The following AKAP13 variants were observed in gnomAD, a reference collection of about 807,000 sequenced individuals.
AKAP13 encodes the protein A-kinase anchor protein 13.
In AKAP13, 80 loss-of-function variants were observed where a neutral mutation model predicts 264.5. The ratio of observed to expected loss-of-function variants is 0.30; its 90% CI spans 0.25 to 0.36. The LOEUF (loss-of-function observed/expected upper bound fraction) is 0.36. Among genes scored for constraint, AKAP13 ranks in the 10% least tolerant of loss-of-function variants. AKAP13 has a pLI of 1.00. For missense variants in AKAP13, 3,712 were observed against 3,435.2 expected (o/e 1.08, Z -2.01); for synonymous variants, 1,380 against 1,250.2 (o/e 1.10, Z -2.19).
chr15:85,494,253 C>G (rs1596331838), intron 2 of AKAP13, among the ~76,000 whole-genome samples: 2 of 152,116 alleles, frequency 1.3e-5, no homozygotes, highest in Admixed American at 6.6e-5. Flanking sequence ...CAACTAGACT[C>G]CAGAAACAGT....
chr15:85,667,943 C>G (rs2083692248), intron 13 of AKAP13, among the ~76,000 whole-genome samples: 1 of 152,178 alleles, frequency 6.6e-6, no homozygotes, highest in African/African-American at 2.4e-5. Context: ...CTGAAGTGGA[C>G]TTTCTGATTC....
At chr15:85,637,027 C>T (rs1053411526) in intron 8 of AKAP13, among the ~76,000 whole-genome samples, 2 of 152,196 alleles carry the variant, frequency 1.3e-5, no homozygotes, top group African/African-American at 4.8e-5. Flanking sequence ...GACCCATTTG[C>T]TCATGATATA....
chr15:85,585,927 T>C lies in AKAP13; in HGVS notation c.4161+104T>C, dbSNP rs576771488. The C allele has an allele frequency of 5.4e-5, 78 of 1,453,372 alleles. No individual in the cohort carries two copies. In the African/African-American group the frequency reaches 9.6e-4, roughly 18 times the overall value. 90.0% of individuals were successfully genotyped at this position (1,453,372 alleles called of 1,614,324 possible). ...TTTATTTGAGGGTAAGTGGGCAAAA[T>C]AGTATTTTCCCCCTTCCCTCTTGTG... On this transcript the variant is annotated intron_variant, in intron 8 of 36. Coordinates refer to ENST00000394518, the MANE Select transcript of AKAP13 (RefSeq NM_007200.5).
intron 2 of AKAP13, among the ~76,000 whole-genome samples, chr15:85,486,533 G>C (rs1039300176): frequency 1.3e-5 from 2 of 151,904 alleles, no homozygotes; most frequent in Non-Finnish European, 2.9e-5. Flanking sequence ...GAATTGTCTT[G>C]GGCATCCTTG....
At chr15:85,498,910 C>T (rs1346894165) in intron 2 of AKAP13, among the ~76,000 whole-genome samples, 2 of 152,160 alleles carry the variant, frequency 1.3e-5, no homozygotes, top group East Asian at 3.8e-4. Flanking sequence ...ATAAGCCCTT[C>T]ACATGATTCT....
intron 5 of AKAP13, among the ~76,000 whole-genome samples, chr15:85,569,094 T>C (rs1303369116): frequency 6.6e-6 from 1 of 152,168 alleles, no homozygotes; most frequent in African/African-American, 2.4e-5. Context: ...GTTTCATAAA[T>C]GGAAATAGGT....
At chr15:85,639,493 C>A in intron 9 of AKAP13, 44 bp downstream of exon 9, 1 of 1,399,188 alleles carries the variant, frequency 7.1e-7, no homozygotes, top group Non-Finnish European at 1.0e-6. Context: ...TGCAGCCCCA[C>A]TCTGGCAGAT....
In AKAP13 at chr15:85,499,960, A is replaced by C. The variant is rs112720163; in HGVS notation, c.33+14207A>C. Among the ~76,000 whole-genome samples the C allele has an allele frequency of 7.0e-4, 106 of 152,286 alleles. 2 individuals are homozygous for C. In the Middle Eastern group the frequency reaches 0.017, roughly 24 times the overall value. ...CTATCACAGTACTTTGTGCATCATA[A>C]TGCTAGTGTTTTTTATTGTTTCCAA... On this transcript the variant is annotated intron_variant, in intron 2 of 36. Coordinates refer to ENST00000394518, the MANE Select transcript of AKAP13 (RefSeq NM_007200.5).
chr15:85,454,461 C>T (rs866424467), intron 1 of AKAP13, among the ~76,000 whole-genome samples: 8 of 152,092 alleles, frequency 5.3e-5, no homozygotes, highest in Non-Finnish European at 1.0e-4. Context: ...GCGCTGTTTT[C>T]CTGCCTTGCT....
At chr15:85,690,135 T>G (rs2151630679) in intron 16 of AKAP13, 1 of 152,378 alleles carries the variant, frequency 6.6e-6, no homozygotes, top group Middle Eastern at 3.4e-3. Flanking sequence ...AAGCACTAAA[T>G]TCTAGTAAAC....
At position 85,579,175 on chromosome 15, in the gene AKAP13, T is replaced by C. The variant is rs754157697; in HGVS notation, c.1107T>C (p.Cys369=). ...IVEEENTDRS[C]RKKNKGVERK... The stretch of plus-strand genomic sequence containing the variant: ...AGGAGGAGAATACAGACCGTTCCTG[T>C]AGGAAGAAAAATAAAGGCGTGGAAA... Residue 369 remains cysteine, a synonymous_variant, in exon 7 of 37, where the codon TGT becomes TGC. Transcript: ENST00000394518. The C allele has an allele frequency of 6.2e-7, 1 of 1,613,860 alleles. No homozygotes were observed. The highest frequency in any genetic ancestry group is 8.5e-7 in the Non-Finnish European group (1 of 1,179,988).
In AKAP13 at chr15:85,723,268, G is replaced by A. The variant is rs774850001; in HGVS notation, c.6693G>A (p.Lys2231=). The A allele has an allele frequency of 3.1e-6, 5 of 1,614,120 alleles. No individual in the cohort carries two copies. Among genetic ancestry groups the A allele is most frequent in the Non-Finnish European group, 8.5e-7 (1 of 1,179,966 alleles). ...MFAKEDLKRK[K]LVRDGSVFLK... ...CCAAGGAAGATTTGAAACGGAAGAA[G>A]CTTGTACGTGATGGGAGTGTGTTTC... Residue 2231 remains lysine (K), a synonymous_variant, in exon 26 of 37, where the codon AAG becomes AAA. Coordinates refer to ENST00000394518, the MANE Select transcript of AKAP13 (RefSeq NM_007200.5).
At chr15:85,620,193 T>C (rs1021603184) in intron 8 of AKAP13, 2 of 1,534,704 alleles carry the variant, frequency 1.3e-6, no homozygotes, top group East Asian at 4.9e-5. Flanking sequence ...CTGCACCTCA[T>C]GCATTCTGAA....
intron 32 of AKAP13, 72 bp from the exon 33 acceptor site, chr15:85,736,018 A>T: frequency 1.6e-6 from 2 of 1,236,216 alleles, no homozygotes; most frequent in Admixed American, 1.7e-5. Context: ...ACAGCCTAAC[A>T]CAGAAACACA....
At chr15:85,732,351 C>T (rs185251659) in intron 30 of AKAP13, among the ~76,000 whole-genome samples, 47 of 151,906 alleles carry the variant, frequency 3.1e-4, no homozygotes, top group Non-Finnish European at 5.0e-4. Flanking sequence ...AGTCTGGGTA[C>T]TGGGAGTGGT....
intron 8 of AKAP13, among the ~76,000 whole-genome samples, chr15:85,638,170 C>T (rs866311641): frequency 3.3e-5 from 5 of 152,100 alleles, no homozygotes; most frequent in African/African-American, 1.2e-4. Context: ...AGGCGTGCCA[C>T]GCCCAGCCTA....
Position 85,416,760 on chromosome 15 carries a change from A to G in AKAP13, c.-12+35962A>G, listed in dbSNP as rs929440668. ...AAAACTGACCCATCTGAAAACCAGT[A>G]TGTTCACTCCATTCCACTCTTCAGC... On this transcript the variant is annotated intron_variant, in intron 1 of 36. Transcript: ENST00000394518. 3.3e-5 allele frequency among the ~76,000 whole-genome samples: 5 copies of G among 152,304 alleles called. No individual in the cohort carries two copies. In the South Asian group the frequency reaches 1.0e-3, roughly 32 times the overall value.
At chr15:85,617,713 A>C (rs556105820) in intron 8 of AKAP13, among the ~76,000 whole-genome samples, 1 of 152,170 alleles carries the variant, frequency 6.6e-6, no homozygotes, top group South Asian at 2.1e-4. Flanking sequence ...AAAAAGAAGA[A>C]GGGCGAGTTC....
At chr15:85,653,788 A>G (rs2082976194) in intron 10 of AKAP13, among the ~76,000 whole-genome samples, 1 of 152,218 alleles carries the variant, frequency 6.6e-6, no homozygotes, top group South Asian at 2.1e-4. Context: ...CCCATCCCGT[A>G]AGAGTGCAAA....
Sources: gnomAD v4.1 joint callset for allele counts (sites outside exome capture counted in the v4.1 genomes callset) on GRCh38, gnomAD v4.1.1 for gene constraint, MANE v1.5 for transcripts, NCBI Gene and HGNC (gene_info 2026-07-23, HGNC 2026-07-21) for gene names.